The following KLF13 variants were observed in gnomAD, a reference collection of about 807,000 sequenced individuals.
KLF13 encodes the protein Krueppel-like factor 13.
In KLF13, 8 loss-of-function variants were observed where a neutral mutation model predicts 16.7. The observed-to-expected ratio is 0.48, with a 90% CI of 0.28 to 0.87. The LOEUF (loss-of-function observed/expected upper bound fraction) is 0.87. Among genes scored for constraint, KLF13 ranks in the 40% least tolerant of loss-of-function variants. The pLI, the probability that KLF13 is intolerant of heterozygous loss-of-function variation, is 0.10. For synonymous variants in KLF13, 245 were observed against 208.4 expected, an observed-to-expected ratio of 1.18 and a Z score of -1.51; for missense variants, 447 against 452.2, an observed-to-expected ratio of 0.99 and a Z score of 0.10.
At chr15:31,340,794 A>G (rs2039008759) in intron 1 of KLF13, among the ~76,000 whole-genome samples, 1 of 152,190 alleles carries the variant, frequency 6.6e-6, no homozygotes, top group Non-Finnish European at 1.5e-5. Flanking sequence ...ACTTGAGCCC[A>G]GGAGGTGGCA....
intron 1 of KLF13, among the ~76,000 whole-genome samples, chr15:31,361,851 G>A (rs2039394364): frequency 6.9e-6 from 1 of 145,628 alleles, no homozygotes; most frequent in African/African-American, 2.6e-5. Context: ...CCAGAGGCAG[G>A]CCCAAGAGGC....
rs531282770 is a variant in KLF13, at chr15:31,386,037, A to C, written n.224-49333A>C. 2.6e-5 allele frequency among the ~76,000 whole-genome samples: 4 copies of C among 152,374 alleles called. No homozygotes were observed. In the East Asian group the frequency reaches 7.7e-4, roughly 29 times the overall value. ...TTATTGCTGATATGGAGAAAGTTTC[A>C]GTGGCTTGGATAGAAGATCAAACCA... On this transcript the variant is annotated intron_variant and non_coding_transcript_variant, in intron 1 of 1. Coordinates refer to the KLF13 transcript ENST00000558921.
At chr15:31,345,189 C>A (rs987725457) in intron 1 of KLF13, among the ~76,000 whole-genome samples, 1 of 152,178 alleles carries the variant, frequency 6.6e-6, no homozygotes, top group East Asian at 1.9e-4. Context: ...GGCATGCAGG[C>A]GTGCTGCATC....
chr15:31,390,584 A>G (rs999878460), upstream of KLF13, among the ~76,000 whole-genome samples: 1 of 152,160 alleles, frequency 6.6e-6, no homozygotes, highest in African/African-American at 2.4e-5. Flanking sequence ...ACTTTTGTTC[A>G]GATATTTTTA....
intron 1 of KLF13, among the ~76,000 whole-genome samples, chr15:31,330,276 G>T (rs2038803507): frequency 6.6e-6 from 1 of 152,184 alleles, no homozygotes; most frequent in Non-Finnish European, 1.5e-5. Context: ...GCATTGTGGG[G>T]TCTCTGCAGT....
At chr15:31,402,996 G>C (rs151199375) in intron 2 of KLF13, among the ~76,000 whole-genome samples, 1 of 151,664 alleles carries the variant, frequency 6.6e-6, no homozygotes, top group Non-Finnish European at 1.5e-5. Flanking sequence ...AGGTCCCTTG[G>C]GGCCCAGCAG....
chr15:31,354,539 C>A (rs1274992184), intron 1 of KLF13, among the ~76,000 whole-genome samples: 1 of 152,158 alleles, frequency 6.6e-6, no homozygotes, highest in Non-Finnish European at 1.5e-5. Context: ...CACCACCACA[C>A]CCAGCTAATT....
At chr15:31,386,567 G>C (rs1237315545) in intron 1 of KLF13, among the ~76,000 whole-genome samples, 2 of 152,248 alleles carry the variant, frequency 1.3e-5, no homozygotes, top group African/African-American at 4.8e-5. Context: ...GAAGCAGCAA[G>C]TGCTGCTATA....
intron 1 of KLF13, among the ~76,000 whole-genome samples, chr15:31,334,630 G>A (rs1005157276): frequency 1.8e-4 from 28 of 152,198 alleles, no homozygotes; most frequent in African/African-American, 6.7e-4. Flanking sequence ...GTTTCACCAT[G>A]TTGGCCAGGC....
intron 1 of KLF13, among the ~76,000 whole-genome samples, chr15:31,365,938 C>T (rs1428660418): frequency 3.4e-5 from 5 of 147,740 alleles, no homozygotes; most frequent in Non-Finnish European, 7.5e-5. Context: ...CCTGGGCCTG[C>T]GGCTTGGGCA....
At chr15:31,359,834 T>G (rs975362710) in intron 1 of KLF13, among the ~76,000 whole-genome samples, 3 of 152,148 alleles carry the variant, frequency 2.0e-5, no homozygotes, top group African/African-American at 7.2e-5. Context: ...GTGTGCTTAC[T>G]CTCCCTCGTC....
At chr15:31,335,013 A>G (rs2038903301) in intron 1 of KLF13, among the ~76,000 whole-genome samples, 1 of 152,230 alleles carries the variant, frequency 6.6e-6, no homozygotes, top group African/African-American at 2.4e-5. Context: ...TCACCCAACC[A>G]AAAGCTCTGC....
intron 1 of KLF13, among the ~76,000 whole-genome samples, chr15:31,343,422 C>T (rs1020439107): frequency 7.2e-5 from 11 of 152,228 alleles, no homozygotes; most frequent in Admixed American, 1.3e-4. Context: ...GTCTGCACAC[C>T]TCCCACCAGG....
intron 1 of KLF13, among the ~76,000 whole-genome samples, chr15:31,423,787 A>T (rs1224856842): frequency 1.3e-5 from 2 of 152,250 alleles, no homozygotes; most frequent in Non-Finnish European, 2.9e-5. Context: ...TCTTAAATTT[A>T]AGAAAATTGA....
At chr15:31,360,052 T>C (rs749561737) in intron 1 of KLF13, among the ~76,000 whole-genome samples, 3 of 152,038 alleles carry the variant, frequency 2.0e-5, no homozygotes, top group Non-Finnish European at 1.5e-5. Context: ...GGTCTTGGAG[T>C]CCCGTACAGA....
At position 31,373,431 on chromosome 15, in the gene KLF13, A is replaced by G. The variant is rs1047464417; in HGVS notation, c.*1132A>G. On this transcript the variant is annotated 3_prime_UTR_variant, in exon 2 of 2. Coordinates refer to ENST00000307145, the MANE Select transcript of KLF13 (RefSeq NM_015995.4). Reference sequence around the variant, plus strand: ...CAGGAAATGCTGTCGGAGAGCGCGCATTCTATTTCCTCCGCAGGGAATGCC... The same window carrying G: ...CAGGAAATGCTGTCGGAGAGCGCGCGTTCTATTTCCTCCGCAGGGAATGCC... The G allele has an allele frequency of 1.3e-5, 2 of 152,260 alleles. No individual in the cohort carries two copies. Among genetic ancestry groups the G allele is most frequent in the Non-Finnish European group, 2.9e-5 (2 of 68,048 alleles). 9.4% of individuals were successfully genotyped at this position (152,260 alleles called of 1,614,324 possible). A position where few individuals can be genotyped will look rare whatever the true frequency, so the allele number is the denominator to read the frequency against.
downstream of KLF13, among the ~76,000 whole-genome samples, chr15:31,408,392 A>G (rs538686592): frequency 2.7e-4 from 41 of 152,322 alleles, no homozygotes; most frequent in African/African-American, 9.1e-4. Context: ...TCCATGGGAA[A>G]AAACTTAAAA....
At chr15:31,361,109 C>T (rs1032318818) in intron 1 of KLF13, among the ~76,000 whole-genome samples, 1 of 152,180 alleles carries the variant, frequency 6.6e-6, no homozygotes, top group Non-Finnish European at 1.5e-5. Context: ...CACATGCCCC[C>T]AGCCTGGGCA....
intron 1 of KLF13, among the ~76,000 whole-genome samples, chr15:31,369,235 G>A (rs2039520493): frequency 6.6e-6 from 1 of 152,176 alleles, no homozygotes; most frequent in Admixed American, 6.5e-5. Context: ...TGGGCCCACA[G>A]GTCAGTTGTA....
Sources: allele counts gnomAD v4.1 joint callset (sites outside exome capture counted in the v4.1 genomes callset), GRCh38; gene constraint gnomAD v4.1.1; transcripts MANE v1.5; gene names NCBI Gene and HGNC (gene_info 2026-07-23, HGNC 2026-07-21).